The following PI15 variants were observed in gnomAD, a reference collection of about 807,000 sequenced individuals.
The protein encoded by PI15 is peptidase inhibitor 15.
A neutral mutation model predicts 31.0 loss-of-function variants in PI15; 18 were observed. The observed-to-expected ratio is 0.58, with a 90% CI of 0.40 to 0.86. The LOEUF (loss-of-function observed/expected upper bound fraction) is 0.86, where lower values mean the gene tolerates loss of function less well. Among genes scored for constraint, PI15 ranks in the 40% least tolerant of loss-of-function variants. The pLI is 0.00. For missense variants in PI15, 282 were observed against 328.1 expected, an observed-to-expected ratio of 0.86 and a Z score of 1.09; for synonymous variants, 118 against 119.1, an observed-to-expected ratio of 0.99 and a Z score of 0.06.
chr8:74,837,446 G>A (rs1810887968), intron 2 of PI15, among the ~76,000 whole-genome samples: 1 of 152,066 alleles, frequency 6.6e-6, no homozygotes, highest in African/African-American at 2.4e-5. Flanking sequence ...TCAGCTGTCA[G>A]TTTCCCTTAT....
In PI15 at chr8:74,850,516, A is replaced by G. The variant is rs1811090922; in HGVS notation, c.*1263A>G. 1 of 152,162 alleles carries G rather than the reference A, an allele frequency of 6.6e-6. No homozygotes were observed. Among genetic ancestry groups the G allele is most frequent in the Admixed American group, 6.5e-5 (1 of 15,286 alleles). The allele number at this position is 152,162 out of a possible 1,614,324, so 9.4% of individuals were successfully genotyped here. ...CTATCTCTTTGTTGTTTAGTCTGTC[A>G]TTGAATCAATCTACTTATCATCTTG... On this transcript the variant is annotated 3_prime_UTR_variant, in exon 6 of 6. Coordinates refer to ENST00000260113, the MANE Select transcript of PI15 (RefSeq NM_015886.5).
At chr8:74,836,799 A>G (rs1228123381) in intron 2 of PI15, among the ~76,000 whole-genome samples, 2 of 152,230 alleles carry the variant, frequency 1.3e-5, no homozygotes, top group East Asian at 3.9e-4. Flanking sequence ...ATGACCTTGA[A>G]GACAGCTGCT....
At chr8:74,831,972 A>C (rs991617185) in intron 2 of PI15, among the ~76,000 whole-genome samples, 2 of 152,060 alleles carry the variant, frequency 1.3e-5, no homozygotes, top group Admixed American at 6.6e-5. Flanking sequence ...ATTTCATTTT[A>C]AGATCCAGGG....
At position 74,852,237 on chromosome 8, in the gene PI15, T is replaced by G. The variant is rs1281146910; in HGVS notation, c.*2984T>G. ...ATCGATCCTCTCTGTGGTGTTAATTTTTTTATATGACCAGTAGAAAAATTT... is the reference window on the plus strand; with the variant it reads ...ATCGATCCTCTCTGTGGTGTTAATTGTTTTATATGACCAGTAGAAAAATTT... On this transcript the variant is annotated 3_prime_UTR_variant, in exon 6 of 6. Transcript: ENST00000260113. The G allele has an allele frequency of 1.3e-5, 2 of 152,128 alleles. No homozygotes were observed. Among genetic ancestry groups the G allele is most frequent in the African/African-American group, 4.8e-5 (2 of 41,454 alleles). The allele number at this position is 152,128 out of a possible 1,614,324, so 9.4% of individuals were successfully genotyped here. A position where few individuals can be genotyped will look rare whatever the true frequency, so the allele number is the denominator to read the frequency against.
intron 2 of PI15, among the ~76,000 whole-genome samples, chr8:74,831,127 G>A (rs1810776162): frequency 6.6e-6 from 1 of 152,134 alleles, no homozygotes; most frequent in African/African-American, 2.4e-5. Flanking sequence ...CCAGCCAAAG[G>A]TAAGAACATT....
chr8:74,830,063 G>A (rs1360835584), intron 2 of PI15, among the ~76,000 whole-genome samples: 1 of 152,100 alleles, frequency 6.6e-6, no homozygotes. Context: ...GATATTGGCA[G>A]TGAAAGTGAC....
intron 3 of PI15, 78 bp from the exon 4 acceptor site, chr8:74,845,050 A>G: frequency 8.2e-7 from 1 of 1,220,876 alleles, no homozygotes; most frequent in Non-Finnish European, 1.2e-6. Flanking sequence ...AAAAAGAACA[A>G]TCAATTTACA....
intron 2 of PI15, among the ~76,000 whole-genome samples, chr8:74,841,748 T>A (rs1384044662): frequency 6.6e-6 from 1 of 152,222 alleles, no homozygotes; most frequent in Non-Finnish European, 1.5e-5. Flanking sequence ...ATTTTATGAA[T>A]CCATATTCTG....
chr8:74,838,001 T>C (rs1474716157), intron 2 of PI15, among the ~76,000 whole-genome samples: 2 of 152,172 alleles, frequency 1.3e-5, no homozygotes, highest in Admixed American at 6.5e-5. Flanking sequence ...TCCATAAGTA[T>C]AGCAAGTTTG....
At chr8:74,829,675 A>C (rs922897813) in intron 2 of PI15, among the ~76,000 whole-genome samples, 5 of 152,176 alleles carry the variant, frequency 3.3e-5, no homozygotes, top group Non-Finnish European at 7.4e-5. Context: ...AATGGAAAAA[A>C]ATTCCACTAA....
chr8:74,832,655 A>G (rs1810803515), intron 2 of PI15, among the ~76,000 whole-genome samples: 2 of 152,166 alleles, frequency 1.3e-5, no homozygotes, highest in Non-Finnish European at 2.9e-5. Flanking sequence ...CACAGAAGAT[A>G]TAAACTAACA....
intron 5 of PI15, among the ~76,000 whole-genome samples, chr8:74,848,299 T>C (rs549560094): frequency 3.5e-4 from 53 of 152,320 alleles, no homozygotes; most frequent in Non-Finnish European, 6.5e-4. Flanking sequence ...TAATGGTATA[T>C]TGGTTTATAC....
intron 5 of PI15, 91 bp downstream of exon 5, chr8:74,845,588 A>C: frequency 1.3e-6 from 1 of 780,818 alleles, no homozygotes; most frequent in Non-Finnish European, 2.3e-6. Flanking sequence ...TAAGTGAGTA[A>C]GGCTTAGCTA....
At chr8:74,831,202 G>C (rs1404841208) in intron 2 of PI15, among the ~76,000 whole-genome samples, 4 of 152,192 alleles carry the variant, frequency 2.6e-5, no homozygotes, top group Non-Finnish European at 5.9e-5. Context: ...AACAGGATGT[G>C]ATTTGAAACC....
chr8:74,832,518 T>C (rs977727119), intron 2 of PI15, among the ~76,000 whole-genome samples: 1 of 151,984 alleles, frequency 6.6e-6, no homozygotes, highest in African/African-American at 2.4e-5. Context: ...TGCAAGAAAA[T>C]ACCCCCCTCT....
At chr8:74,844,870 C>T (rs1811001429) in intron 3 of PI15, 1 of 402,886 alleles carries the variant, frequency 2.5e-6, no homozygotes, top group African/African-American at 2.0e-5. Flanking sequence ...AAATTATTTG[C>T]ATTTTCTTCG....
At position 74,825,329 on chromosome 8, in the gene PI15, C is replaced by G. The variant is rs1810678286; in HGVS notation, c.80C>G (p.Ser27Cys). ...CEASTVVLLN[S>C]TDSSPPTNNF... is the part of the protein sequence containing the mutation. ...GCAAGTACCGTCGTCCTACTCAATT[C>G]CACTGACTCATCCCCGCCAACCAAT... Residue 27 changes from serine to cysteine, a missense_variant, in exon 2 of 6, where the codon TCC becomes TGC. By Grantham distance (112) the Ser-to-Cys change is moderately radical. Coordinates refer to ENST00000260113, the MANE Select transcript of PI15 (RefSeq NM_015886.5). The G allele has an allele frequency of 6.2e-7, 1 of 1,613,102 alleles. No homozygotes were observed. The highest frequency in any genetic ancestry group is 1.3e-5 in the African/African-American group (1 of 74,846).
chr8:74,825,409 C>T lies in PI15; in HGVS notation c.160C>T (p.Pro54Ser). Residue 54 changes from proline to serine, a missense_variant, in exon 2 of 6, where the codon CCC (proline) becomes TCC (serine). Transcript: ENST00000260113. ...AGCACAATTAGATTCAGCGGATATC[C>T]CCAAAGCCAGGCGGAAGCGCTACAT... ...LKAQLDSADI[P>S]KARRKRYISQ... 19 of 1,613,318 alleles carry T rather than the reference C, an allele frequency of 1.2e-5. No homozygotes were observed. The highest frequency in any genetic ancestry group is 1.5e-5 in the Non-Finnish European group (18 of 1,179,454).
At chr8:74,844,618 A>G (rs1340127925) in intron 3 of PI15, among the ~76,000 whole-genome samples, 3 of 152,164 alleles carry the variant, frequency 2.0e-5, no homozygotes, top group Non-Finnish European at 4.4e-5. Context: ...CCCATTTGCT[A>G]GGATAATTTT....
Sources: allele counts gnomAD v4.1 joint callset (sites outside exome capture counted in the v4.1 genomes callset), GRCh38; gene constraint gnomAD v4.1.1; transcripts MANE v1.5; gene names NCBI Gene and HGNC (gene_info 2026-07-23, HGNC 2026-07-21).